WDR43: variants seen among roughly 807,000 people sequenced by gnomAD.
WDR43 encodes the protein WD repeat domain 43, also known as WD repeat-containing protein 43.
In WDR43, 13 loss-of-function variants were observed where a neutral mutation model predicts 91.4. The ratio of observed to expected loss-of-function variants is 0.14; its 90% CI spans 0.09 to 0.23. The LOEUF is 0.23. Among genes scored for constraint, WDR43 ranks in the 10% least tolerant of loss-of-function variants. The pLI, the probability that WDR43 is intolerant of heterozygous loss-of-function variation, is 1.00. For synonymous variants in WDR43, 331 were observed against 287.9 expected, an observed-to-expected ratio of 1.15 and a Z score of -1.51; for missense variants, 780 against 809.4, an observed-to-expected ratio of 0.96 and a Z score of 0.44.
chr2:28,913,702 C>G, intron 4 of WDR43: 3 of 526,216 alleles, frequency 5.7e-6, no homozygotes, highest in Non-Finnish European at 1.1e-5. Flanking sequence ...TTTCGACTCA[C>G]TGAGAGTAAA....
At chr2:28,908,870 T>G (rs1670734229) in intron 3 of WDR43, among the ~76,000 whole-genome samples, 1 of 152,230 alleles carries the variant, frequency 6.6e-6, no homozygotes, top group Non-Finnish European at 1.5e-5. Flanking sequence ...TAAGCAGAAT[T>G]TGTTTACATT....
intron 13 of WDR43, among the ~76,000 whole-genome samples, chr2:28,937,387 A>C: frequency 6.6e-6 from 1 of 151,672 alleles, no homozygotes; most frequent in East Asian, 1.9e-4. Context: ...TATCATCAGT[A>C]TCTAGATAGT....
At position 28,929,662 on chromosome 2, in the gene WDR43, A is replaced by G; in HGVS notation, c.1389A>G (p.Pro463=). 6.2e-7 allele frequency: 1 copy of G among 1,613,856 alleles called. No homozygotes were observed. The highest frequency in any genetic ancestry group is 8.5e-7 in the Non-Finnish European group (1 of 1,179,808). ...GKEDLQTNSF[P]VLLTQGLESN... is the part of the protein sequence containing the mutation. Reference sequence around the variant, plus strand: ...AAGACCTCCAGACGAATAGCTTTCCAGTTCTTCTTACCCAGGGCTTAGAAA... The same window carrying G: ...AAGACCTCCAGACGAATAGCTTTCCGGTTCTTCTTACCCAGGGCTTAGAAA... Residue 463 remains proline, a synonymous_variant, in exon 11 of 18, where the codon CCA becomes CCG. Coordinates refer to ENST00000407426, the MANE Select transcript of WDR43 (RefSeq NM_015131.3).
At chr2:28,907,644 G>A (rs1044346805) in intron 3 of WDR43, among the ~76,000 whole-genome samples, 1 of 151,276 alleles carries the variant, frequency 6.6e-6, no homozygotes, top group Non-Finnish European at 1.5e-5. Flanking sequence ...GGTGGCTCAC[G>A]CCTGTAATCC....
intron 1 of WDR43, 159 bp downstream of exon 1, chr2:28,895,082 C>T (rs571640025): frequency 4.4e-6 from 3 of 681,062 alleles, no homozygotes; most frequent in South Asian, 6.1e-5. Context: ...AAGCCGCCAG[C>T]CCCGCGTGCG....
intron 3 of WDR43, among the ~76,000 whole-genome samples, chr2:28,908,084 A>G (rs1308282054): frequency 5.9e-5 from 9 of 152,228 alleles, no homozygotes; most frequent in Admixed American, 3.9e-4. Context: ...GGAAGTTAAA[A>G]TGGGAATGAT....
intron 15 of WDR43, 106 bp from the exon 16 acceptor site, chr2:28,942,203 TGGA>T: frequency 3.0e-6 from 3 of 1,005,496 alleles, no homozygotes; most frequent in Non-Finnish European, 4.6e-6. Flanking sequence ...ATTATGGTGG[TGGA>T]GGGTGAGTTA....
intron 6 of WDR43, among the ~76,000 whole-genome samples, chr2:28,920,189 C>T (rs1027762380): frequency 1.4e-5 from 2 of 143,188 alleles, no homozygotes; most frequent in Non-Finnish European, 3.0e-5. Flanking sequence ...CTTGAAGTGA[C>T]TTTCTGAAAA....
At chr2:28,928,877 G>A (rs187944885) in intron 10 of WDR43, among the ~76,000 whole-genome samples, 1 of 152,024 alleles carries the variant, frequency 6.6e-6, no homozygotes, top group Non-Finnish European at 1.5e-5. Flanking sequence ...GTTTTGCCAT[G>A]TTGCCCAGGC....
chr2:28,945,868 A>G (rs1671534102), intron 16 of WDR43, among the ~76,000 whole-genome samples: 1 of 152,086 alleles, frequency 6.6e-6, no homozygotes, highest in African/African-American at 2.4e-5. Flanking sequence ...TAATTCTTCC[A>G]TTTCGTTTAT....
At chr2:28,900,964 A>AGT (rs1670569177) in intron 1 of WDR43, among the ~76,000 whole-genome samples, 1 of 152,202 alleles carries the variant, frequency 6.6e-6, no homozygotes, top group African/African-American at 2.4e-5. Context: ...CTACTCCCTG[A>AGT]CACTCTTTAT....
chr2:28,912,371 G>A lies in WDR43; in HGVS notation c.486-219G>A, dbSNP rs939500641. Among the ~76,000 whole-genome samples the A allele has an allele frequency of 9.8e-5, 15 of 152,296 alleles. No homozygotes were observed. In the South Asian group the frequency reaches 1.7e-3, roughly 17 times the overall value. ...GAATCTTTATCCCATGCCTGCCAAA[G>A]GGAGATTGTGCTGTGTTAAGGAATG... On this transcript the variant is annotated intron_variant, in intron 3 of 17. Coordinates refer to ENST00000407426, the MANE Select transcript of WDR43 (RefSeq NM_015131.3).
chr2:28,912,729 T>C lies in WDR43; in HGVS notation c.606+19T>C, dbSNP rs1360436330. 6.2e-7 allele frequency: 1 copy of C among 1,609,186 alleles called. No individual in the cohort carries two copies. The highest frequency in any genetic ancestry group is 8.5e-7 in the Non-Finnish European group (1 of 1,177,586). On this transcript the variant is annotated intron_variant, in intron 4 of 17. Transcript: ENST00000407426. The stretch of plus-strand genomic sequence containing the variant: ...CTACAGGGTGAGCGAATCAAATTAT[T>C]TGTAAGCATAAAAATTATAGAGTAA...
At chr2:28,937,832 A>G in intron 13 of WDR43, 99 bp from the exon 14 acceptor site, 1 of 1,129,698 alleles carries the variant, frequency 8.9e-7, no homozygotes, top group Non-Finnish European at 1.3e-6. Context: ...ACAGAGCAAC[A>G]TTTATAGACC....
At chr2:28,928,785 G>A (rs891218521) in intron 10 of WDR43, among the ~76,000 whole-genome samples, 5 of 152,052 alleles carry the variant, frequency 3.3e-5, no homozygotes, top group African/African-American at 4.8e-5. Flanking sequence ...GGGCTCAAGT[G>A]ATCCTCCCAC....
intron 6 of WDR43, among the ~76,000 whole-genome samples, chr2:28,920,672 A>AT (rs888820785): frequency 3.3e-5 from 5 of 151,196 alleles, no homozygotes; most frequent in Non-Finnish European, 7.4e-5. Context: ...AGACTGAGGG[A>AT]TTTTTTTTGT....
chr2:28,927,367 A>G (rs868862907), intron 9 of WDR43: 3 of 626,618 alleles, frequency 4.8e-6, no homozygotes, highest in African/African-American at 3.7e-5. Context: ...TGGTATTGTA[A>G]GCTTTAAATT....
In WDR43 at chr2:28,894,694, C is replaced by T; in HGVS notation, c.-5C>T. 6.4e-7 allele frequency: 1 copy of T among 1,558,632 alleles called. No homozygotes were observed. The highest frequency in any genetic ancestry group is 8.7e-7 in the Non-Finnish European group (1 of 1,151,756). On this transcript the variant is annotated 5_prime_UTR_variant, in exon 1 of 18. Coordinates refer to ENST00000407426, the MANE Select transcript of WDR43 (RefSeq NM_015131.3). ...ACACGTGGCTGCAGCGGGGCCAGAG[C>T]AGCAATGGCGGCGGGCGGCGGCGGT...
intron 11 of WDR43, among the ~76,000 whole-genome samples, chr2:28,931,226 C>T (rs1181025762): frequency 3.3e-5 from 5 of 151,862 alleles, no homozygotes; most frequent in Non-Finnish European, 7.4e-5. Flanking sequence ...GGGTTACAGG[C>T]GCATGCCACC....
Sources: allele counts gnomAD v4.1 joint callset (sites outside exome capture counted in the v4.1 genomes callset), GRCh38; gene constraint gnomAD v4.1.1; transcripts MANE v1.5; gene names NCBI Gene and HGNC (gene_info 2026-07-23, HGNC 2026-07-21).